Variants in ANO4 observed in about 807,000 individuals in gnomAD.
ANO4 encodes the protein anoctamin 4, also known as anoctamin-4.
A neutral mutation model predicts 141.9 loss-of-function variants in ANO4; 69 were observed. The ratio of observed to expected loss-of-function variants is 0.49; its 90% CI spans 0.40 to 0.59. The LOEUF (loss-of-function observed/expected upper bound fraction) is 0.59. ANO4 is among the 20% of genes least tolerant of loss of function. The pLI is 0.00. For synonymous variants in ANO4, 350 were observed against 394.3 expected (o/e 0.89, Z 1.33); for missense variants, 894 against 1,162.2 (o/e 0.77, Z 3.36).
chr12:100,734,509 A>G (rs1225120758), intron 2 of ANO4, among the ~76,000 whole-genome samples: 2 of 152,234 alleles, frequency 1.3e-5, no homozygotes, highest in Non-Finnish European at 2.9e-5. Context: ...GCTACAGCTT[A>G]TGCTTATTTT....
chr12:101,042,144 G>C (rs2047433190), intron 11 of ANO4, among the ~76,000 whole-genome samples, 190 bp from the exon 12 acceptor site: 1 of 152,144 alleles, frequency 6.6e-6, no homozygotes. Context: ...TTCTAGTTCT[G>C]CTATAGAGTA....
At chr12:101,005,300 TA>T (rs568102747) in intron 8 of ANO4, among the ~76,000 whole-genome samples, 17 of 152,068 alleles carry the variant, frequency 1.1e-4, no homozygotes, top group African/African-American at 3.6e-4. Flanking sequence ...TTTTATAGAT[TA>T]AAAAAAATGA....
intron 3 of ANO4, among the ~76,000 whole-genome samples, chr12:100,746,115 C>T (rs544941231): frequency 6.6e-6 from 1 of 152,308 alleles, no homozygotes; most frequent in East Asian, 1.9e-4. Flanking sequence ...AAAATGTATT[C>T]TATGCACACC....
At chr12:100,828,728 A>G (rs576537994) in intron 1 of ANO4, among the ~76,000 whole-genome samples, 3 of 152,042 alleles carry the variant, frequency 2.0e-5, no homozygotes, top group Non-Finnish European at 4.4e-5. Flanking sequence ...TATATGAATA[A>G]CATTCTTCTT....
At chr12:101,060,148 A>G (rs1329428573) in intron 14 of ANO4, among the ~76,000 whole-genome samples, 1 of 152,240 alleles carries the variant, frequency 6.6e-6, no homozygotes, top group African/African-American at 2.4e-5. Context: ...CCCAGTAGTC[A>G]TTCAGGAGCA....
chr12:100,770,123 T>A (rs2033233780), intron 3 of ANO4, among the ~76,000 whole-genome samples: 1 of 152,244 alleles, frequency 6.6e-6, no homozygotes, highest in South Asian at 2.1e-4. Flanking sequence ...CCCTTTTTGC[T>A]TTGGCTACCA....
chr12:100,934,502 A>G (rs990552814), intron 3 of ANO4, among the ~76,000 whole-genome samples: 4 of 151,728 alleles, frequency 2.6e-5, no homozygotes, highest in African/African-American at 9.7e-5. Context: ...TACTTGTAGT[A>G]TAGTTTGAAG....
In ANO4 at chr12:101,127,029, A is replaced by T. The variant is rs1296636168; in HGVS notation, c.2827A>T (p.Arg943Trp). 1.2e-6 allele frequency: 2 copies of T among 1,614,012 alleles called. No homozygotes were observed. Among genetic ancestry groups the T allele is most frequent in the Non-Finnish European group, 1.7e-6 (2 of 1,180,002 alleles). ...ACGTCTCCAGAAGGAACGAAAGGAG[A>T]GGAAGAAGAATGGAAAAGCACACCA... ...LERLQKERKE[R>W]KKNGKAHHNE... Residue 943 changes from arginine (R) to tryptophan (W), a missense_variant, in exon 27 of 28, where the codon AGG becomes TGG. This residue lies in a region of ANO4 where 637 missense variants were observed against 909.2 expected (regional missense o/e 0.70). Coordinates refer to ENST00000392977, the MANE Select transcript of ANO4 (RefSeq NM_001286615.2).
chr12:100,768,502 A>G (rs1190427631), intron 3 of ANO4, among the ~76,000 whole-genome samples: 1 of 152,210 alleles, frequency 6.6e-6, no homozygotes, highest in African/African-American at 2.4e-5. Context: ...TCTGATGAAC[A>G]TCATTCTACC....
chr12:101,087,984 G>C (rs2049574043), intron 17 of ANO4, among the ~76,000 whole-genome samples: 2 of 152,148 alleles, frequency 1.3e-5, no homozygotes, highest in African/African-American at 4.8e-5. Flanking sequence ...CAACATGGAA[G>C]CCAGAGAGAG....
At chr12:100,782,285 A>G (rs914614032) in intron 3 of ANO4, among the ~76,000 whole-genome samples, 3 of 152,102 alleles carry the variant, frequency 2.0e-5, no homozygotes, top group African/African-American at 4.8e-5. Flanking sequence ...TCCAATGACC[A>G]TACAAGTTTT....
At chr12:101,027,414 A>T (rs11838074) in intron 9 of ANO4, among the ~76,000 whole-genome samples, 5 of 151,856 alleles carry the variant, frequency 3.3e-5, no homozygotes, top group Non-Finnish European at 5.9e-5. Context: ...TCCTTGGGGG[A>T]GGGGCAGCAG....
chr12:100,796,325 C>T (rs12317315), intron 1 of ANO4, among the ~76,000 whole-genome samples: 21,543 of 149,876 alleles, frequency 0.14, 1,603 homozygotes, highest in South Asian at 0.22. Flanking sequence ...GTCTCTCCTC[C>T]TGCTCTTTGG....
At chr12:101,000,438 GT>G (rs941642821) in intron 8 of ANO4, among the ~76,000 whole-genome samples, 4 of 152,012 alleles carry the variant, frequency 2.6e-5, no homozygotes, top group African/African-American at 7.3e-5. Flanking sequence ...GAACTGAAGA[GT>G]TTTTTTTATT....
At chr12:100,808,989 A>G (rs1028169957) in intron 1 of ANO4, among the ~76,000 whole-genome samples, 2 of 152,206 alleles carry the variant, frequency 1.3e-5, no homozygotes, top group African/African-American at 4.8e-5. Context: ...TAAGCACTTA[A>G]TGAACACTTA....
At chr12:100,840,141 T>TAAC (rs1020997669) in intron 1 of ANO4, among the ~76,000 whole-genome samples, 7 of 151,516 alleles carry the variant, frequency 4.6e-5, no homozygotes, top group Non-Finnish European at 8.8e-5. Flanking sequence ...ATAATAATAA[T>TAAC]AACAATAAAG....
At chr12:101,039,028 C>A (rs1230915025) in intron 10 of ANO4, 1 of 152,196 alleles carries the variant, frequency 6.6e-6, no homozygotes, top group Non-Finnish European at 1.5e-5. Context: ...AAACTAACCT[C>A]AGAAAAACAT....
At chr12:100,904,055 A>G (rs1358608871) in intron 2 of ANO4, among the ~76,000 whole-genome samples, 2 of 152,158 alleles carry the variant, frequency 1.3e-5, no homozygotes, top group Admixed American at 6.5e-5. Flanking sequence ...TTACTTGTCT[A>G]TCCGTCCACT....
chr12:100,922,418 T>A, intron 3 of ANO4, 88 bp downstream of exon 3: 1 of 844,298 alleles, frequency 1.2e-6, no homozygotes, highest in Admixed American at 3.5e-5. Flanking sequence ...ACCTTAGATG[T>A]CAAGCTTTAA....
Sources: gnomAD v4.1 joint callset for allele counts (sites outside exome capture counted in the v4.1 genomes callset) on GRCh38, gnomAD v4.1.1 for gene constraint, gnomAD v4.1.1 regional missense constraint, MANE v1.5 for transcripts, NCBI Gene and HGNC (gene_info 2026-07-23, HGNC 2026-07-21) for gene names.